Variants in SLC71A2 observed in about 807,000 individuals in gnomAD.
SLC71A2 encodes the protein hippocampus abundant transcript-like 1.
At chr9:94,435,612 C>G in the SLC71A2 span, among the ~76,000 whole-genome samples, 1 of 150,500 alleles carries the variant, frequency 6.6e-6, no homozygotes, top group African/African-American at 2.4e-5. Context: ...TCCACACTCA[C>G]TTTTCCACCA....
chr9:94,422,085 T>A, the SLC71A2 span, among the ~76,000 whole-genome samples: 2 of 152,208 alleles, frequency 1.3e-5, no homozygotes, highest in Non-Finnish European at 2.9e-5. Flanking sequence ...GGTTTCGCCA[T>A]GTTGGCCAGA....
chr9:94,374,862 T>C, the SLC71A2 span: 2 of 1,044,518 alleles, frequency 1.9e-6, no homozygotes, highest in African/African-American at 3.4e-5. Context: ...GAAGGCGGCG[T>C]CGGAGCCCGA....
chr9:94,433,964 C>T, the SLC71A2 span, among the ~76,000 whole-genome samples: 7 of 152,070 alleles, frequency 4.6e-5, no homozygotes, highest in African/African-American at 1.7e-4. Flanking sequence ...ATACATTATG[C>T]TTTATAACAA....
chr9:94,402,860 G>C, the SLC71A2 span, among the ~76,000 whole-genome samples: 1 of 152,160 alleles, frequency 6.6e-6, no homozygotes, highest in Non-Finnish European at 1.5e-5. Flanking sequence ...GCATGATGTA[G>C]TTTGAGTTAC....
the SLC71A2 span, among the ~76,000 whole-genome samples, chr9:94,442,980 T>G: frequency 6.6e-6 from 1 of 151,984 alleles, no homozygotes. Context: ...AACAGAGTAG[T>G]GAGGGACAGC....
At chr9:94,458,047 T>C in the SLC71A2 span, among the ~76,000 whole-genome samples, 1 of 152,324 alleles carries the variant, frequency 6.6e-6, no homozygotes, top group East Asian at 1.9e-4. Context: ...GAAATCTCAG[T>C]TGACAGAAAA....
At chr9:94,451,293 T>A in the SLC71A2 span, among the ~76,000 whole-genome samples, 1 of 152,154 alleles carries the variant, frequency 6.6e-6, no homozygotes, top group African/African-American at 2.4e-5. Flanking sequence ...CTTACATCAG[T>A]TTTAGATATA....
the SLC71A2 span, among the ~76,000 whole-genome samples, chr9:94,420,623 A>T: frequency 7.4e-3 from 1,107 of 150,150 alleles, 6 homozygotes; most frequent in Non-Finnish European, 0.013. Flanking sequence ...ATTCAAGGCC[A>T]GGCGTGGTGG....
the SLC71A2 span, among the ~76,000 whole-genome samples, chr9:94,425,912 C>G: frequency 6.6e-6 from 1 of 151,992 alleles, no homozygotes; most frequent in South Asian, 2.1e-4. Context: ...TTAGATCTTT[C>G]ACTGTCTCAG....
chr9:94,451,239 A>G, the SLC71A2 span, among the ~76,000 whole-genome samples: 3 of 152,244 alleles, frequency 2.0e-5, no homozygotes, highest in African/African-American at 4.8e-5. Context: ...GAAAATGTCT[A>G]TAAAACATTT....
chr9:94,435,541 C>T, the SLC71A2 span, among the ~76,000 whole-genome samples: 1 of 152,104 alleles, frequency 6.6e-6, no homozygotes, highest in Non-Finnish European at 1.5e-5. Context: ...TCCTTTTCTC[C>T]TCAGGCTACT....
chr9:94,397,079 T>A, the SLC71A2 span, among the ~76,000 whole-genome samples: 1 of 152,170 alleles, frequency 6.6e-6, no homozygotes, highest in Non-Finnish European at 1.5e-5. Context: ...CTCTAACATT[T>A]AATAGTACTA....
the SLC71A2 span, among the ~76,000 whole-genome samples, chr9:94,381,813 T>C: frequency 8.5e-5 from 13 of 152,114 alleles, no homozygotes; most frequent in Non-Finnish European, 1.5e-4. Context: ...TTTAAAAAAA[T>C]AATAAAATAA....
chr9:94,440,192 C>T, the SLC71A2 span, among the ~76,000 whole-genome samples: 4 of 151,634 alleles, frequency 2.6e-5, no homozygotes, highest in Admixed American at 1.3e-4. Flanking sequence ...CTCTCTCTGT[C>T]GCCCAGGCTG....
chr9:94,420,738 A>G, the SLC71A2 span, among the ~76,000 whole-genome samples: 1 of 151,764 alleles, frequency 6.6e-6, no homozygotes, highest in Admixed American at 6.6e-5. Flanking sequence ...GTCTCTACTA[A>G]AGATATAAAA....
the SLC71A2 span, among the ~76,000 whole-genome samples, chr9:94,385,291 T>C: frequency 6.6e-6 from 1 of 152,220 alleles, no homozygotes; most frequent in Non-Finnish European, 1.5e-5. Flanking sequence ...TGTTGTCATA[T>C]CCAAGAAGTC....
the SLC71A2 span, chr9:94,458,468 A>T: frequency 6.8e-6 from 11 of 1,613,572 alleles, no homozygotes; most frequent in Non-Finnish European, 9.3e-6. Context: ...CCTGCAGGTA[A>T]TTTGGTCATA....
the SLC71A2 span, among the ~76,000 whole-genome samples, chr9:94,436,846 A>T: frequency 1.3e-5 from 2 of 152,208 alleles, no homozygotes; most frequent in African/African-American, 4.8e-5. Flanking sequence ...AATTCACCAA[A>T]CGTATTTGAA....
chr9:94,445,774 A>G, the SLC71A2 span, among the ~76,000 whole-genome samples: 30 of 152,284 alleles, frequency 2.0e-4, 1 homozygote, highest in African/African-American at 5.8e-4. Context: ...TTGGGGAAAA[A>G]AAAAGTTTGT....
Sources: gnomAD v4.1 joint callset for allele counts (sites outside exome capture counted in the v4.1 genomes callset) on GRCh38, gnomAD v4.1.1 for gene constraint, MANE v1.5 for transcripts, NCBI Gene and HGNC (gene_info 2026-07-23, HGNC 2026-07-21) for gene names.